CROCC2: variants seen among roughly 807,000 people sequenced by gnomAD.
CROCC2 encodes the protein ciliary rootlet coiled-coil protein 2.
In CROCC2, 163 loss-of-function variants were observed where a neutral mutation model predicts 177.6. That is an observed-to-expected ratio of 0.92 (90% confidence interval 0.81 to 1.05). The LOEUF (loss-of-function observed/expected upper bound fraction) is 1.05, where lower values mean the gene tolerates loss of function less well. Among genes scored for constraint, CROCC2 ranks in the 50% least tolerant of loss-of-function variants. The pLI is 0.00. For synonymous variants in CROCC2, 904 were observed against 787.3 expected (o/e 1.15, Z -2.48); for missense variants, 1,929 against 1,797.8 (o/e 1.07, Z -1.32).
intron 20 of CROCC2, among the ~76,000 whole-genome samples, chr2:240,963,007 G>A (rs375920159): frequency 2.6e-4 from 40 of 152,346 alleles, no homozygotes; most frequent in African/African-American, 8.7e-4. Context: ...AACGGGGGAA[G>A]GAAGGCCAAG....
intron 28 of CROCC2, chr2:240,983,522 A>C (rs1464027959): frequency 8.0e-7 from 1 of 1,252,208 alleles, no homozygotes; most frequent in East Asian, 6.9e-5. Flanking sequence ...GGCGCTGCGC[A>C]CCGAGCGGGC....
Position 240,925,916 on chromosome 2 carries a change from G to A in CROCC2, c.645+36G>A, listed in dbSNP as rs768686291. On this transcript the variant is annotated intron_variant, in intron 5 of 31. Transcript: ENST00000690015. ...AACCCTTGCTCACCTCATGGCGGCCGCCTGTCTGGGTGCCTATGGCTGGGT... is the reference window on the plus strand; with the variant it reads ...AACCCTTGCTCACCTCATGGCGGCCACCTGTCTGGGTGCCTATGGCTGGGT... 3.0e-4 allele frequency: 205 copies of A among 681,492 alleles called. 1 individual carries two copies. The highest frequency in any genetic ancestry group is 9.0e-5 in the Non-Finnish European group (33 of 366,652). 42.2% of individuals were successfully genotyped at this position (681,492 alleles called of 1,614,324 possible). A position where few individuals can be genotyped will look rare whatever the true frequency, so the allele number is the denominator to read the frequency against.
intron 19 of CROCC2, chr2:240,957,509 G>T (rs985406154): frequency 6.6e-6 from 1 of 152,244 alleles, no homozygotes; most frequent in African/African-American, 2.4e-5. Flanking sequence ...CCGCCTGCTG[G>T]GGGGCCGGGG....
At chr2:240,954,097 G>A (rs1222355350) in intron 18 of CROCC2, among the ~76,000 whole-genome samples, 1 of 152,184 alleles carries the variant, frequency 6.6e-6, no homozygotes. Flanking sequence ...AGGGCCTCAA[G>A]GGAGGGAGGA....
At chr2:240,983,179 G>A in intron 28 of CROCC2, 150 bp downstream of exon 28, 1 of 909,010 alleles carries the variant, frequency 1.1e-6, no homozygotes, top group Non-Finnish European at 1.6e-6. Context: ...CAGGCCTGCA[G>A]AGACCCAGGC....
rs554277974 is a variant in CROCC2 at position 240,991,910 on chromosome 2, G to A, written c.4946+632G>A. Among the ~76,000 whole-genome samples the A allele has an allele frequency of 3.9e-5, 6 of 152,374 alleles. No homozygotes were observed. The South Asian group carries it at 8.3e-4, about 21-fold the overall frequency. The stretch of plus-strand genomic sequence containing the variant: ...CACCACATCCCCACGCCCAGCGGCT[G>A]TGAGCCTCCGCATCCAGGAACTGCG... On this transcript the variant is annotated intron_variant, in intron 31 of 31. Coordinates refer to ENST00000690015, the MANE Select transcript of CROCC2 (RefSeq NM_001351305.2).
intron 18 of CROCC2, chr2:240,950,714 T>C: frequency 1.9e-6 from 1 of 540,416 alleles, no homozygotes; most frequent in Non-Finnish European, 3.2e-6. Context: ...CATTCACCCA[T>C]CCATCCACCC....
Position 240,930,166 on chromosome 2 carries a change from ACCCGGTCAGGGGGCCTGGGGCAGC to A in CROCC2, c.652_675del (p.Ser218_Arg225del). The A allele has an allele frequency of 1.8e-6, 1 of 543,040 alleles. No individual in the cohort carries two copies. The highest frequency in any genetic ancestry group is 3.4e-6 in the Non-Finnish European group (1 of 297,370). 33.6% of individuals were successfully genotyped at this position (543,040 alleles called of 1,614,324 possible). A position where few individuals can be genotyped will look rare whatever the true frequency, so the allele number is the denominator to read the frequency against. On this transcript the variant is annotated inframe_deletion and splice_region_variant, in exon 6 of 32. Transcript: ENST00000690015. ...TAGACAGGAGGCCTCTTGCTTTCAG[ACCCGGTCAGGGGGCCTGGGGCAGC>A]CCCGGGACCTCCTCCTCCTGTGGAG...
chr2:240,961,858 ACACACTCAT>A lies in CROCC2; in HGVS notation c.3088-1692_3088-1684del, dbSNP rs1157829092. ...ACACATACACTCATGACACACACGC[ACACACTCAT>A]CACACATGCTCATCACACACATGTA... On this transcript the variant is annotated intron_variant, in intron 20 of 31. Transcript: ENST00000690015. 1.2e-3 allele frequency among the ~76,000 whole-genome samples: 29 copies of A among 23,364 alleles called. 4 individuals are homozygous for A. The highest frequency in any genetic ancestry group is 2.1e-3 in the Non-Finnish European group (19 of 8,948). The allele number at this position is 23,364 out of a possible 152,430, so 15.3% of individuals were successfully genotyped here.
At chr2:240,990,296 G>A (rs979985651) in intron 30 of CROCC2, among the ~76,000 whole-genome samples, 2 of 152,194 alleles carry the variant, frequency 1.3e-5, no homozygotes, top group East Asian at 1.9e-4. Flanking sequence ...AGGTGGATAA[G>A]GAAGCATAGC....
At chr2:240,957,070 C>A (rs928697987) in intron 19 of CROCC2, among the ~76,000 whole-genome samples, 1 of 152,100 alleles carries the variant, frequency 6.6e-6, no homozygotes, top group Non-Finnish European at 1.5e-5. Flanking sequence ...GACACAGGTG[C>A]GAGGGTGCCC....
chr2:240,937,021 A>C (rs2059475385), intron 14 of CROCC2, among the ~76,000 whole-genome samples: 1 of 152,224 alleles, frequency 6.6e-6, no homozygotes, highest in Non-Finnish European at 1.5e-5. Flanking sequence ...AAAACTGTGC[A>C]CTCACTGTAT....
At chr2:240,910,286 A>G (rs1201895967) in intron 1 of CROCC2, among the ~76,000 whole-genome samples, 1 of 144,378 alleles carries the variant, frequency 6.9e-6, no homozygotes, top group Non-Finnish European at 1.5e-5. Flanking sequence ...CCAGACCCGC[A>G]GCTGATGGAG....
chr2:240,934,260 C>T (rs1276414981), intron 11 of CROCC2, 71 bp from the exon 12 acceptor site: 29 of 1,504,768 alleles, frequency 1.9e-5, no homozygotes, highest in Non-Finnish European at 2.2e-5. Flanking sequence ...AGGTGGTCGC[C>T]TGCCTGAAAT....
At chr2:240,947,086 G>A (rs1460540934) in intron 15 of CROCC2, among the ~76,000 whole-genome samples, 1 of 152,274 alleles carries the variant, frequency 6.6e-6, no homozygotes. Context: ...CCTGCTTAGG[G>A]CCCTGCTCAG....
chr2:240,966,946 C>G (rs2106481048), intron 25 of CROCC2, among the ~76,000 whole-genome samples: 1 of 152,158 alleles, frequency 6.6e-6, no homozygotes, highest in East Asian at 2.0e-4. Context: ...CCTTCGGGCC[C>G]ACCCTCCCAC....
intron 14 of CROCC2, among the ~76,000 whole-genome samples, chr2:240,940,239 T>A (rs1228384694): frequency 6.6e-6 from 1 of 152,204 alleles, no homozygotes; most frequent in Non-Finnish European, 1.5e-5. Context: ...TTTTGCTTCA[T>A]GTGTTTTGAA....
rs1574778775 is a variant in CROCC2, at chr2:240,960,238, C to T, written c.3087+794C>T. 6.6e-6 allele frequency among the ~76,000 whole-genome samples: 1 copy of T among 152,330 alleles called. No homozygotes were observed. The highest frequency in any genetic ancestry group is 1.9e-4 in the East Asian group (1 of 5,180). On this transcript the variant is annotated intron_variant, in intron 20 of 31. Transcript: ENST00000690015. This position sits in a 1 kb window ranked among gnomAD's most constrained non-coding sequence, Gnocchi z 5.0. Reference sequence around the variant, plus strand: ...GGCTCTGCCCACACAGCAGGAGGCGCGGACTTCACTGGGCTGGACACTAAG... The same window carrying T: ...GGCTCTGCCCACACAGCAGGAGGCGTGGACTTCACTGGGCTGGACACTAAG...
chr2:240,935,319 G>C (rs766646977), intron 13 of CROCC2, 39 bp from the exon 14 acceptor site: 1 of 1,329,354 alleles, frequency 7.5e-7, no homozygotes, highest in African/African-American at 1.5e-5. Context: ...GACCGAGGAT[G>C]GGGGGAGTGG....
Sources: allele counts gnomAD v4.1 joint callset (sites outside exome capture counted in the v4.1 genomes callset), GRCh38; gene constraint gnomAD v4.1.1; non-coding constraint Gnocchi (gnomAD v3.1); transcripts MANE v1.5; gene names NCBI Gene and HGNC (gene_info 2026-07-23, HGNC 2026-07-21).